The following SUDS3 variants were observed in gnomAD, a reference collection of about 807,000 sequenced individuals.
The protein encoded by SUDS3 is sin3 histone deacetylase corepressor complex component SDS3.
In SUDS3, 23 loss-of-function variants were observed where a neutral mutation model predicts 53.5. The ratio of observed to expected loss-of-function variants is 0.43; its 90% CI spans 0.31 to 0.61. The LOEUF (loss-of-function observed/expected upper bound fraction) is 0.61, where lower values mean the gene tolerates loss of function less well. Among genes scored for constraint, SUDS3 ranks in the 20% least tolerant of loss-of-function variants. The pLI, the probability that SUDS3 is intolerant of heterozygous loss-of-function variation, is 0.10. For synonymous variants in SUDS3, 150 were observed against 148.5 expected (o/e 1.01, Z -0.08); for missense variants, 291 against 405.9 (o/e 0.72, Z 2.43).
At chr12:118,412,572 TAG>T (rs1398713094) in intron 11 of SUDS3, among the ~76,000 whole-genome samples, 1 of 152,176 alleles carries the variant, frequency 6.6e-6, no homozygotes, top group Non-Finnish European at 1.5e-5. Context: ...GGGAAGCTAA[TAG>T]AGAGACCTGG....
chr12:118,380,305 T>G lies in SUDS3; in HGVS notation c.212+74T>G, dbSNP rs2046045023. ...CTTTATATAGATTGAGCATCCCAAA[T>G]CTGAAATCTCAGATGCTCCAAAATC... On this transcript the variant is annotated intron_variant, in intron 2 of 11. Coordinates refer to ENST00000543473, the MANE Select transcript of SUDS3 (RefSeq NM_022491.3). 2.2e-6 allele frequency: 3 copies of G among 1,334,854 alleles called. No individual in the cohort carries two copies. In the Middle Eastern group the frequency reaches 5.5e-4, roughly 246 times the overall value. 82.7% of individuals were successfully genotyped at this position (1,334,854 alleles called of 1,614,324 possible).
At chr12:118,411,219 G>T in intron 11 of SUDS3, 62 bp downstream of exon 11, 3 of 1,464,782 alleles carry the variant, frequency 2.0e-6, no homozygotes, top group Non-Finnish European at 2.8e-6. Flanking sequence ...TGTTGGTAGG[G>T]CAAACCTGAA....
intron 4 of SUDS3, among the ~76,000 whole-genome samples, chr12:118,386,569 G>A (rs550723209): frequency 6.6e-6 from 1 of 151,394 alleles, no homozygotes; most frequent in African/African-American, 2.4e-5. Flanking sequence ...TTGGTATTTT[G>A]TGCTAGGATT....
chr12:118,396,207 G>T (rs1209053528), intron 6 of SUDS3, among the ~76,000 whole-genome samples: 1 of 152,094 alleles, frequency 6.6e-6, no homozygotes, highest in African/African-American at 2.4e-5. Flanking sequence ...TTTTCTTTCT[G>T]CCAGTTATAT....
At chr12:118,377,121 C>T (rs1016206093) in intron 1 of SUDS3, among the ~76,000 whole-genome samples, 7 of 152,118 alleles carry the variant, frequency 4.6e-5, no homozygotes, top group African/African-American at 1.4e-4. Flanking sequence ...GATTGAACCT[C>T]ACTCACTAGT....
At chr12:118,384,279 ATTCT>A (rs1486490666) in intron 3 of SUDS3, among the ~76,000 whole-genome samples, 4 of 152,162 alleles carry the variant, frequency 2.6e-5, no homozygotes, top group African/African-American at 9.7e-5. Context: ...TATGTGTGAG[ATTCT>A]TTCTTCAAAT....
At chr12:118,401,848 G>A (rs772995609) in intron 8 of SUDS3, 28 bp downstream of exon 8, 17 of 1,610,520 alleles carry the variant, frequency 1.1e-5, no homozygotes, top group Non-Finnish European at 1.4e-5. Flanking sequence ...TGATTTATTT[G>A]AAAACTCAGG....
intron 6 of SUDS3, among the ~76,000 whole-genome samples, chr12:118,393,982 A>G (rs932549444): frequency 6.6e-6 from 1 of 152,072 alleles, no homozygotes; most frequent in African/African-American, 2.4e-5. Context: ...GAGATCCTGC[A>G]TTTCTAACCA....
intron 3 of SUDS3, among the ~76,000 whole-genome samples, chr12:118,384,316 A>G (rs138187371): frequency 0.013 from 1,926 of 152,316 alleles, 28 homozygotes; most frequent in African/African-American, 0.044. Flanking sequence ...GGGACTTTCA[A>G]TGGAGCACGA....
Position 118,414,469 on chromosome 12 carries a change from G to T in SUDS3, c.*36G>T. On this transcript the variant is annotated 3_prime_UTR_variant, in exon 12 of 12. Coordinates refer to ENST00000543473, the MANE Select transcript of SUDS3 (RefSeq NM_022491.3). The stretch of plus-strand genomic sequence containing the variant: ...TGCTCTTCTCTTGACCCTTTTTCTG[G>T]AGTGGGTTTTATTTTTGTTTTGTTT... The T allele has an allele frequency of 6.8e-7, 1 of 1,469,746 alleles. No individual in the cohort carries two copies. The highest frequency in any genetic ancestry group is 9.1e-7 in the Non-Finnish European group (1 of 1,098,536). The allele number at this position is 1,469,746 out of a possible 1,614,324, so 91.0% of individuals were successfully genotyped here. A position where few individuals can be genotyped will look rare whatever the true frequency, so the allele number is the denominator to read the frequency against.
chr12:118,409,379 T>TCA (rs2046338638), intron 10 of SUDS3, among the ~76,000 whole-genome samples: 4 of 152,110 alleles, frequency 2.6e-5, no homozygotes, highest in Non-Finnish European at 5.9e-5. Context: ...TCTCCTGACC[T>TCA]TGTGATCTGC....
intron 6 of SUDS3, among the ~76,000 whole-genome samples, chr12:118,397,167 T>C (rs1416129477): frequency 6.6e-6 from 1 of 152,182 alleles, no homozygotes; most frequent in Non-Finnish European, 1.5e-5. Flanking sequence ...CGAGTTTTTT[T>C]ATGGTTGGTG....
chr12:118,401,833 T>C lies in SUDS3; in HGVS notation c.675+13T>C. The C allele has an allele frequency of 6.2e-7, 1 of 1,612,980 alleles. No individual in the cohort carries two copies. Among genetic ancestry groups the C allele is most frequent in the Non-Finnish European group, 8.5e-7 (1 of 1,179,084 alleles). On this transcript the variant is annotated intron_variant, in intron 8 of 11. Transcript: ENST00000543473. ...AACATTAAATAAGGTACGGTTTGAC[T>C]TTTTTGATTTATTTGAAAACTCAGG...
intron 10 of SUDS3, among the ~76,000 whole-genome samples, chr12:118,408,691 GTT>G (rs79562390): frequency 3.5e-5 from 5 of 143,042 alleles, no homozygotes; most frequent in African/African-American, 2.5e-5. Flanking sequence ...GTTTTTTTTG[GTT>G]TTTTTTTTTT....
At chr12:118,412,911 C>T (rs972698664) in intron 11 of SUDS3, among the ~76,000 whole-genome samples, 2 of 152,138 alleles carry the variant, frequency 1.3e-5, no homozygotes, top group African/African-American at 4.8e-5. Context: ...AAACCGTTCT[C>T]ATTTCTTGAA....
At chr12:118,381,739 C>G (rs950939586) in intron 2 of SUDS3, among the ~76,000 whole-genome samples, 8 of 150,576 alleles carry the variant, frequency 5.3e-5, no homozygotes, top group Admixed American at 1.3e-4. Context: ...TGCTCTCACC[C>G]AAACCTTCTC....
In SUDS3 at chr12:118,389,951, G is replaced by A. The variant is rs780757915; in HGVS notation, c.360+5G>A. The A allele has an allele frequency of 4.3e-6, 7 of 1,614,026 alleles. No homozygotes were observed. The highest frequency in any genetic ancestry group is 5.9e-6 in the Non-Finnish European group (7 of 1,179,892). On this transcript the variant is annotated splice_donor_5th_base_variant and intron_variant, in intron 5 of 11. Coordinates refer to ENST00000543473, the MANE Select transcript of SUDS3 (RefSeq NM_022491.3). Reference sequence around the variant, plus strand: ...GAACTCTTCCTCCAGCTGGAAGTAAGTACCACGGATCTTCTGGGTTTGCAG... The same window carrying A: ...GAACTCTTCCTCCAGCTGGAAGTAAATACCACGGATCTTCTGGGTTTGCAG...
chr12:118,395,224 T>TG (rs1222634524), intron 6 of SUDS3, among the ~76,000 whole-genome samples: 1 of 138,682 alleles, frequency 7.2e-6, no homozygotes, highest in Non-Finnish European at 1.5e-5. Flanking sequence ...GGGTTTTTTT[T>TG]TTTTTTTTTT....
intron 2 of SUDS3, 108 bp downstream of exon 2, chr12:118,380,339 C>T (rs2046045311): frequency 3.2e-6 from 3 of 952,074 alleles, no homozygotes; most frequent in South Asian, 3.2e-5. Context: ...TCTAAAACTT[C>T]CTGAGTGCCA....
Sources: allele counts gnomAD v4.1 joint callset (sites outside exome capture counted in the v4.1 genomes callset), GRCh38; gene constraint gnomAD v4.1.1; transcripts MANE v1.5; gene names NCBI Gene and HGNC (gene_info 2026-07-23, HGNC 2026-07-21).